RIN1: variants seen among roughly 807,000 people sequenced by gnomAD.
RIN1 encodes ras inhibitor 1.
In RIN1, 52 loss-of-function variants were observed where a neutral mutation model predicts 64.9. The ratio of observed to expected loss-of-function variants is 0.80; its 90% CI spans 0.64 to 1.01. RIN1 has a LOEUF of 1.01. RIN1 is among the 50% of genes least tolerant of loss of function. The probability of loss-of-function intolerance (pLI) is 0.00; values close to 1 mark genes in which losing one functional copy is unlikely to be tolerated. For synonymous variants in RIN1, 486 were observed against 483.6 expected, an observed-to-expected ratio of 1.00 and a Z score of -0.06; for missense variants, 1,040 against 1,064.5, an observed-to-expected ratio of 0.98 and a Z score of 0.32.
At chr11:66,335,338 G>T in intron 5 of RIN1, 69 bp downstream of exon 5, 1 of 1,557,066 alleles carries the variant, frequency 6.4e-7, no homozygotes, top group Non-Finnish European at 8.7e-7. Context: ...CGGGCGGTGT[G>T]CTGCGAGCCT....
At chr11:66,333,830 G>A (rs1173687747) in intron 7 of RIN1, 89 bp downstream of exon 7, 1 of 1,424,034 alleles carries the variant, frequency 7.0e-7, no homozygotes, top group Non-Finnish European at 9.3e-7. Context: ...CTCCTGCAGG[G>A]CTGTTCTAGG....
rs748302450 is a variant in RIN1 at position 66,335,986 on chromosome 11, G to T, written c.259C>A (p.Pro87Thr). The T allele has an allele frequency of 1.4e-6, 2 of 1,475,796 alleles. No individual in the cohort carries two copies. The highest frequency in any genetic ancestry group is 1.8e-6 in the Non-Finnish European group (2 of 1,112,742). The allele number at this position is 1,475,796 out of a possible 1,614,324, so 91.4% of individuals were successfully genotyped here. A position where few individuals can be genotyped will look rare whatever the true frequency, so the allele number is the denominator to read the frequency against. Residue 87 changes from proline to threonine, a missense_variant, in exon 2 of 10, where the codon CCC (proline) becomes ACC (threonine). By Grantham distance (38) the Pro-to-Thr change is conservative. Coordinates refer to ENST00000311320, the MANE Select transcript of RIN1 (RefSeq NM_004292.3). ...TGTGGGGCAAGACTCACCCCCGGGG[G>T]CTCGGTCCTCAGCATGTGCAGTGCG... Reference protein sequence around the residue: ...AAALHMLRTEPPGTFLVRKSN... With the variant: ...AAALHMLRTETPGTFLVRKSN...
chr11:66,336,277 C>T (rs1187998551), intron 1 of RIN1, 40 bp downstream of exon 1: 1 of 1,567,010 alleles, frequency 6.4e-7, no homozygotes. Flanking sequence ...TCTCGCAGCC[C>T]CTCCCTGCCC....
rs1364551423 is a variant in RIN1 at position 66,335,973 on chromosome 11, C to T, written c.267+5G>A. 1.4e-6 allele frequency: 2 copies of T among 1,479,128 alleles called. No individual in the cohort carries two copies. The highest frequency in any genetic ancestry group is 2.4e-5 in the East Asian group (1 of 42,286). 91.6% of individuals were successfully genotyped at this position (1,479,128 alleles called of 1,614,324 possible). On this transcript the variant is annotated splice_donor_5th_base_variant and intron_variant, in intron 2 of 9. Transcript: ENST00000311320. ...CCAGTCCCTGGAGTGTGGGGCAAGA[C>T]TCACCCCCGGGGGCTCGGTCCTCAG... is the stretch of plus-strand genomic sequence containing the variant.
At chr11:66,334,419 A>G in intron 6 of RIN1, 95 bp downstream of exon 6, 2 of 1,483,998 alleles carry the variant, frequency 1.3e-6, no homozygotes, top group Non-Finnish European at 1.8e-6. Flanking sequence ...ATGGATTTGT[A>G]AAGCAGCAGA....
chr11:66,332,606 G>A lies in RIN1; in HGVS notation c.2022C>T (p.Phe674=), dbSNP rs755814445. The change falls in exon 10 of 10, where the codon TTC becomes TTT. Residue 674 remains phenylalanine (F), a synonymous_variant. Transcript: ENST00000311320. ...RVTQPNTFGL[F]LYKEQGYHRL... Reference sequence around the variant, plus strand: ...GGTGGTAGCCCTGCTCCTTGTACAGGAAGAGGCCAAAAGTGTTGGGCTGGG... The same window carrying A: ...GGTGGTAGCCCTGCTCCTTGTACAGAAAGAGGCCAAAAGTGTTGGGCTGGG... The A allele has an allele frequency of 1.1e-5, 18 of 1,607,018 alleles. No homozygotes were observed. The highest frequency in any genetic ancestry group is 1.5e-5 in the Non-Finnish European group (18 of 1,175,744).
At position 66,334,665 on chromosome 11, in the gene RIN1, G is replaced by A. The variant is rs376563376; in HGVS notation, c.1134C>T (p.Ala378=). 3.5e-5 allele frequency: 54 copies of A among 1,559,028 alleles called. No homozygotes were observed. The highest frequency in any genetic ancestry group is 8.1e-5 in the African/African-American group (6 of 73,686). Residue 378 remains alanine (A), a synonymous_variant, in exon 6 of 10, where the codon GCC becomes GCT. Transcript: ENST00000311320. ...AAALMQDRHT[A]AGQLVQDLLT... ...GTAGGTCCTGCACCAGCTGGCCCGC[G>A]GCTGTGTGTCGGTCCTGCATCAGTG...
rs770017593 is a variant in RIN1, at chr11:66,335,778, G to A, written c.366C>T (p.Ile122=). The part of the protein sequence containing the change: ...SGPSFVSSHY[I]LESPGGVSLE... Reference sequence around the variant, plus strand: ...GCCCCTCACCGCCAGGGCTCTCCAGGATGTAGTGGCTGGAGACGAAGGAGG... The same window carrying A: ...GCCCCTCACCGCCAGGGCTCTCCAGAATGTAGTGGCTGGAGACGAAGGAGG... Residue 122 remains isoleucine, a synonymous_variant, in exon 3 of 10, where the codon ATC becomes ATT. Coordinates refer to ENST00000311320, the MANE Select transcript of RIN1 (RefSeq NM_004292.3). 1.2e-6 allele frequency: 2 copies of A among 1,612,914 alleles called. No homozygotes were observed. The highest frequency in any genetic ancestry group is 1.7e-6 in the Non-Finnish European group (2 of 1,179,188).
chr11:66,336,200 G>A (rs1212074224), intron 1 of RIN1, 42 bp from the exon 2 acceptor site: 1 of 1,478,982 alleles, frequency 6.8e-7, no homozygotes. Context: ...GCCAGGGGCT[G>A]GGACCCTTGC....
Position 66,335,198 on chromosome 11 carries a change from G to A in RIN1, c.601C>T (p.Pro201Ser). 1.9e-6 allele frequency: 3 copies of A among 1,566,548 alleles called. No homozygotes were observed. The highest frequency in any genetic ancestry group is 2.6e-6 in the Non-Finnish European group (3 of 1,167,496). ...IKAQRGPAGGPVLPQLKARSP... is the reference protein window; with the variant it reads ...IKAQRGPAGGSVLPQLKARSP... ...CGGGCCTTCAGCTGGGGCAACACTGGGCCTCCAGCCGGGCCCCGCTGAGCC... is the reference window on the plus strand; with the variant it reads ...CGGGCCTTCAGCTGGGGCAACACTGAGCCTCCAGCCGGGCCCCGCTGAGCC... Residue 201 changes from proline to serine, a missense_variant, in exon 6 of 10, where the codon CCA becomes TCA. Pro to Ser is a moderately conservative substitution (Grantham distance 74). Transcript: ENST00000311320.
Position 66,336,299 on chromosome 11 carries a change from C to T in RIN1, c.86+18G>A. On this transcript the variant is annotated intron_variant, in intron 1 of 9. Transcript: ENST00000311320. ...GCCCCTCCCTGCCCCACCTGGCTGC[C>T]CTGCCAACTTCACTAACTTTTCTCT... The T allele has an allele frequency of 6.2e-7, 1 of 1,601,606 alleles. No individual in the cohort carries two copies. Among genetic ancestry groups the T allele is most frequent in the Non-Finnish European group, 8.5e-7 (1 of 1,173,784 alleles).
In RIN1 at chr11:66,332,100, A is replaced by G; in HGVS notation, c.*176T>C. 2 of 687,430 alleles carry G rather than the reference A, an allele frequency of 2.9e-6. No individual in the cohort carries two copies. The highest frequency in any genetic ancestry group is 1.8e-5 in the African/African-American group (1 of 56,066). 42.6% of individuals were successfully genotyped at this position (687,430 alleles called of 1,614,324 possible). The stretch of plus-strand genomic sequence containing the variant: ...GTCTGGGGGCCCCCGAAGCCCCCTC[A>G]TCTTTATTCCAGTTCCTCAGATGTG... On this transcript the variant is annotated 3_prime_UTR_variant, in exon 10 of 10. Coordinates refer to ENST00000311320, the MANE Select transcript of RIN1 (RefSeq NM_004292.3).
In RIN1 at chr11:66,334,076, T is replaced by C; in HGVS notation, c.1434A>G (p.Gly478=). Residue 478 remains glycine (G), a synonymous_variant, in exon 7 of 10, where the codon GGA becomes GGG. Coordinates refer to ENST00000311320, the MANE Select transcript of RIN1 (RefSeq NM_004292.3). ...GLRLARAQGP[G]AFGSHLSLPS... Reference sequence around the variant, plus strand: ...GCAGGCTCAGGTGGGACCCGAAGGCTCCGGGGCCCTGGGCCCGGGCCAGGC... The same window carrying C: ...GCAGGCTCAGGTGGGACCCGAAGGCCCCGGGGCCCTGGGCCCGGGCCAGGC... 1 of 1,568,396 alleles carries C rather than the reference T, an allele frequency of 6.4e-7. No homozygotes were observed.
At chr11:66,334,266 A>C (rs772913744) in intron 6 of RIN1, 42 bp from the exon 7 acceptor site, 7 of 384,286 alleles carry the variant, frequency 1.8e-5, no homozygotes, top group East Asian at 5.5e-5. Flanking sequence ...GACTGGGGGT[A>C]TGGGGGGCAG....
intron 9 of RIN1, 111 bp from the exon 10 acceptor site, chr11:66,332,863 G>A (rs1854771671): frequency 1.2e-6 from 1 of 851,832 alleles, no homozygotes; most frequent in Non-Finnish European, 1.8e-6. Context: ...TGGGTAGGTG[G>A]AGATCCAGTG....
rs1281339501 is a variant in RIN1 at position 66,332,827 on chromosome 11, G to C, written c.1876-75C>G. ...ATCTGGCTCCAAAGCTGAGACATCAGCTTTCTGGGCTGTGCAGGGACAGGG... is the reference window on the plus strand; with the variant it reads ...ATCTGGCTCCAAAGCTGAGACATCACCTTTCTGGGCTGTGCAGGGACAGGG... On this transcript the variant is annotated intron_variant, in intron 9 of 9. Coordinates refer to ENST00000311320, the MANE Select transcript of RIN1 (RefSeq NM_004292.3). 52 of 1,139,896 alleles carry C rather than the reference G, an allele frequency of 4.6e-5. No homozygotes were observed. In the Admixed American group the frequency reaches 1.2e-3, roughly 27 times the overall value. 70.6% of individuals were successfully genotyped at this position (1,139,896 alleles called of 1,614,324 possible).
In RIN1 at chr11:66,334,843, G is replaced by T. The variant is rs1854838281; in HGVS notation, c.956C>A (p.Pro319His). The T allele has an allele frequency of 2.6e-6, 4 of 1,551,304 alleles. No homozygotes were observed. The highest frequency in any genetic ancestry group is 3.5e-6 in the Non-Finnish European group (4 of 1,146,802). ...PSLQEVDCGS[P>H]SSSEEEGVPG... ...CACCCCCTCCTCCTCGGAGCTGCTG[G>T]GGGAGCCGCAGTCCACCTCTTGGAG... The change falls in exon 6 of 10, where the codon CCC becomes CAC. Residue 319 changes from proline to histidine, a missense_variant. Coordinates refer to ENST00000311320, the MANE Select transcript of RIN1 (RefSeq NM_004292.3).
In RIN1 at chr11:66,334,715, G is replaced by A. The variant is rs768153761; in HGVS notation, c.1084C>T (p.Arg362Trp). The change falls in exon 6 of 10, where the codon CGG becomes TGG. Residue 362 changes from arginine (R) to tryptophan (W), a missense_variant. By Grantham distance (101) the Arg-to-Trp change is moderately radical. Transcript: ENST00000311320. ...AAFCSLLAPE[R>W]QVGRAAAALM... Reference sequence around the variant, plus strand: ...GCTGCCGCAGCCCGGCCCACCTGCCGCTCCGGTGCCAGTAGGGAGCAGAAG... The same window carrying A: ...GCTGCCGCAGCCCGGCCCACCTGCCACTCCGGTGCCAGTAGGGAGCAGAAG... 18 of 1,549,326 alleles carry A rather than the reference G, an allele frequency of 1.2e-5. No individual in the cohort carries two copies. Among genetic ancestry groups the A allele is most frequent in the South Asian group, 2.4e-5 (2 of 84,124 alleles).
Position 66,334,554 on chromosome 11 carries a change from C to T in RIN1, c.1245G>A (p.Ala415=), listed in dbSNP as rs763449291. 48 of 1,591,264 alleles carry T rather than the reference C, an allele frequency of 3.0e-5. No individual in the cohort carries two copies. Among genetic ancestry groups the T allele is most frequent in the South Asian group, 8.0e-5 (7 of 87,396 alleles). ...ALSRARAMLS[A]ELGPEKLLSP... ...ACAGCAGCTTCTCAGGGCCCAGCTC[C>T]GCACTCAGCATGGCCCGGGCCCGGC... Residue 415 remains alanine, a synonymous_variant, in exon 6 of 10, where the codon GCG becomes GCA. Coordinates refer to ENST00000311320, the MANE Select transcript of RIN1 (RefSeq NM_004292.3).
Sources: gnomAD v4.1 joint callset for allele counts on GRCh38, gnomAD v4.1.1 for gene constraint, MANE v1.5 for transcripts, NCBI Gene and HGNC (gene_info 2026-07-23, HGNC 2026-07-21) for gene names.